CSMD1: variants seen among roughly 807,000 people sequenced by gnomAD.
The protein encoded by CSMD1 is CUB and sushi domain-containing protein 1.
A neutral mutation model predicts 417.5 loss-of-function variants in CSMD1; 213 were observed. That is an observed-to-expected ratio of 0.51 (90% CI 0.46 to 0.57). The LOEUF (loss-of-function observed/expected upper bound fraction) is 0.57. Among genes scored for constraint, CSMD1 ranks in the 20% least tolerant of loss-of-function variants. The pLI is 0.00. For missense variants in CSMD1, 6,923 were observed against 4,529.7 expected, an observed-to-expected ratio of 1.53 and a Z score of -15.17; for synonymous variants, 2,862 against 1,736.8, an observed-to-expected ratio of 1.65 and a Z score of -16.11.
chr8:4,205,324 C>G (rs765359067), intron 3 of CSMD1, among the ~76,000 whole-genome samples: 3 of 152,126 alleles, frequency 2.0e-5, no homozygotes, highest in Non-Finnish European at 2.9e-5. Context: ...CTCAGATATT[C>G]TAAAATAAGT....
intron 3 of CSMD1, among the ~76,000 whole-genome samples, chr8:4,391,728 C>T (rs1037040300): frequency 1.1e-4 from 16 of 152,158 alleles, no homozygotes; most frequent in African/African-American, 3.9e-4. Context: ...CCTCCAAGTG[C>T]AATGTGCCTG....
intron 1 of CSMD1, among the ~76,000 whole-genome samples, chr8:4,709,406 G>A (rs534012453): frequency 6.6e-6 from 1 of 152,162 alleles, no homozygotes; most frequent in Non-Finnish European, 1.5e-5. Context: ...CGAACATAAA[G>A]ACTCTTTTTA....
At chr8:4,946,396 G>A (rs1191219377) in intron 1 of CSMD1, among the ~76,000 whole-genome samples, 1 of 152,134 alleles carries the variant, frequency 6.6e-6, no homozygotes, top group Non-Finnish European at 1.5e-5. Context: ...GAAGGAACTA[G>A]GTCATCGGTC....
chr8:3,104,274 A>G (rs1425028078), intron 46 of CSMD1, among the ~76,000 whole-genome samples: 1 of 152,144 alleles, frequency 6.6e-6, no homozygotes, highest in Non-Finnish European at 1.5e-5. Context: ...GAATCCATAA[A>G]TAGACCATTG....
At chr8:3,859,957 C>G (rs1029171737) in intron 5 of CSMD1, among the ~76,000 whole-genome samples, 4 of 152,060 alleles carry the variant, frequency 2.6e-5, no homozygotes, top group South Asian at 2.1e-4. Context: ...TTCCATGAGT[C>G]CCAGTGAATT....
At chr8:3,940,565 G>A (rs1261446882) in intron 5 of CSMD1, among the ~76,000 whole-genome samples, 2 of 150,326 alleles carry the variant, frequency 1.3e-5, no homozygotes, top group Non-Finnish European at 3.0e-5. Flanking sequence ...TTCTTTGTGT[G>A]GATATAGGTA....
chr8:4,715,850 G>A (rs1431114800), intron 1 of CSMD1, among the ~76,000 whole-genome samples: 1 of 152,142 alleles, frequency 6.6e-6, no homozygotes, highest in Admixed American at 6.5e-5. Context: ...GACTTTGCTT[G>A]GATTACGGGA....
At chr8:4,406,031 A>G (rs1585025997) in intron 3 of CSMD1, among the ~76,000 whole-genome samples, 1 of 152,192 alleles carries the variant, frequency 6.6e-6, no homozygotes, top group Non-Finnish European at 1.5e-5. Context: ...GGCTTGTGTT[A>G]GAACTGGCTG....
chr8:3,573,673 C>G (rs1800032696), intron 10 of CSMD1, among the ~76,000 whole-genome samples: 1 of 152,056 alleles, frequency 6.6e-6, no homozygotes, highest in Non-Finnish European at 1.5e-5. Context: ...GAACTGGCAA[C>G]CCAACAGCTT....
chr8:4,340,328 G>T (rs912546080), intron 3 of CSMD1, among the ~76,000 whole-genome samples: 1 of 151,946 alleles, frequency 6.6e-6, no homozygotes, highest in African/African-American at 2.4e-5. Context: ...CCTTACATTG[G>T]CTGGGATGAG....
At chr8:4,191,166 G>A (rs1442844830) in intron 3 of CSMD1, among the ~76,000 whole-genome samples, 1 of 152,170 alleles carries the variant, frequency 6.6e-6, no homozygotes, top group East Asian at 1.9e-4. Flanking sequence ...GGAGGCCGAG[G>A]CAGGTGGATC....
intron 4 of CSMD1, among the ~76,000 whole-genome samples, chr8:4,014,992 A>G (rs1398517597): frequency 1.3e-5 from 2 of 152,208 alleles, no homozygotes; most frequent in Non-Finnish European, 2.9e-5. Context: ...CACAGCAAAT[A>G]TGCAAACCAC....
At chr8:4,075,269 A>G (rs1412766021) in intron 3 of CSMD1, among the ~76,000 whole-genome samples, 1 of 152,194 alleles carries the variant, frequency 6.6e-6, no homozygotes. Flanking sequence ...AGTATTATAA[A>G]ATAAAGATGA....
intron 37 of CSMD1, among the ~76,000 whole-genome samples, chr8:3,163,427 A>T (rs999387456): frequency 6.6e-6 from 1 of 151,558 alleles, no homozygotes; most frequent in African/African-American, 2.4e-5. Context: ...AAAAAAAAAA[A>T]CAGCAGGAGA....
chr8:3,940,452 T>C (rs1810801477), intron 5 of CSMD1, among the ~76,000 whole-genome samples: 1 of 151,920 alleles, frequency 6.6e-6, no homozygotes, highest in Admixed American at 6.6e-5. Context: ...CATAAGCACC[T>C]TTCAAAATAA....
intron 1 of CSMD1, among the ~76,000 whole-genome samples, chr8:4,708,264 T>G (rs1317893923): frequency 6.6e-6 from 1 of 152,210 alleles, no homozygotes; most frequent in Non-Finnish European, 1.5e-5. Context: ...GTGTGACTCT[T>G]GATTCCCTTC....
chr8:3,242,267 A>G (rs1019662073), intron 26 of CSMD1, among the ~76,000 whole-genome samples: 19 of 151,448 alleles, frequency 1.3e-4, no homozygotes, highest in Admixed American at 2.6e-4. Flanking sequence ...GCTGAGGAAG[A>G]TTTGGGACCT....
chr8:3,087,998 T>C lies in CSMD1; in HGVS notation c.7286-713A>G, dbSNP rs1814663943. 2.0e-5 allele frequency among the ~76,000 whole-genome samples: 3 copies of C among 152,346 alleles called. No individual in the cohort carries two copies. In the South Asian group the frequency reaches 6.2e-4, roughly 32 times the overall value. ...CCTTTTGACTGTTCAGTGAAACTTC[T>C]GGACTGTACAATGATGTAGATATTA... On this transcript the variant is annotated intron_variant, in intron 48 of 69. Coordinates refer to ENST00000635120, the MANE Select transcript of CSMD1 (RefSeq NM_033225.6).
intron 1 of CSMD1, among the ~76,000 whole-genome samples, chr8:4,967,127 T>C (rs975361304): frequency 3.3e-5 from 5 of 152,230 alleles, no homozygotes; most frequent in African/African-American, 1.2e-4. Flanking sequence ...AAAATCAGGG[T>C]TCATTCAAAG....
Sources: gnomAD v4.1 joint callset for allele counts (sites outside exome capture counted in the v4.1 genomes callset) on GRCh38, gnomAD v4.1.1 for gene constraint, MANE v1.5 for transcripts, NCBI Gene and HGNC (gene_info 2026-07-23, HGNC 2026-07-21) for gene names.